SRRM4: variants seen among roughly 807,000 people sequenced by gnomAD.
SRRM4 encodes the protein serine/arginine repetitive matrix protein 4.
Under a neutral mutation model 68.9 loss-of-function variants are expected in SRRM4, and 33 were observed. That is an observed-to-expected ratio of 0.48 (90% CI 0.36 to 0.64). The LOEUF is 0.64. Ranked by LOEUF, SRRM4 falls within the 30% of genes least tolerant of loss-of-function variation. The pLI, the probability that SRRM4 is intolerant of heterozygous loss-of-function variation, is 0.00. For missense variants in SRRM4, 817 were observed against 827.1 expected (o/e 0.99, Z 0.15); for synonymous variants, 318 against 318.8 (o/e 1.00, Z 0.03).
chr12:119,013,144 CAT>C (rs1382428548), intron 1 of SRRM4, among the ~76,000 whole-genome samples: 1 of 152,166 alleles, frequency 6.6e-6, no homozygotes, highest in African/African-American at 2.4e-5. Flanking sequence ...AATGTTTGCA[CAT>C]GAGTAACAAA....
intron 1 of SRRM4, among the ~76,000 whole-genome samples, chr12:118,986,968 A>G (rs1239724252): frequency 6.6e-6 from 1 of 152,128 alleles, no homozygotes; most frequent in Non-Finnish European, 1.5e-5. Context: ...GTGAAGTGGA[A>G]GAATTCACAG....
chr12:119,134,229 A>C (rs535756434), intron 8 of SRRM4, among the ~76,000 whole-genome samples: 1 of 152,120 alleles, frequency 6.6e-6, no homozygotes, highest in African/African-American at 2.4e-5. Context: ...TCTTAATGGA[A>C]ATCTTAGTTG....
intron 1 of SRRM4, among the ~76,000 whole-genome samples, chr12:119,096,619 C>G (rs1006614958): frequency 6.6e-6 from 1 of 152,222 alleles, no homozygotes; most frequent in Non-Finnish European, 1.5e-5. Context: ...TGATATGAGT[C>G]ACTATTTGCC....
intron 8 of SRRM4, among the ~76,000 whole-genome samples, chr12:119,140,670 GA>G (rs1471560354): frequency 6.6e-6 from 1 of 152,126 alleles, no homozygotes; most frequent in East Asian, 1.9e-4. Flanking sequence ...AGTGGAATAA[GA>G]AGTAAGAAGA....
intron 6 of SRRM4, among the ~76,000 whole-genome samples, chr12:119,123,726 G>A (rs1369932522): frequency 1.3e-5 from 2 of 152,176 alleles, no homozygotes; most frequent in African/African-American, 2.4e-5. Flanking sequence ...CTACGGTCAG[G>A]GCTGCTTCTA....
At chr12:119,055,194 C>A (rs1375532995) in intron 1 of SRRM4, among the ~76,000 whole-genome samples, 2 of 152,084 alleles carry the variant, frequency 1.3e-5, no homozygotes, top group African/African-American at 2.4e-5. Context: ...GATTTATGGG[C>A]TACACAGGAG....
intron 7 of SRRM4, 44 bp downstream of exon 7, chr12:119,125,523 G>C: frequency 6.4e-7 from 1 of 1,560,802 alleles, no homozygotes; most frequent in African/African-American, 1.3e-5. Flanking sequence ...CCACAGCCGA[G>C]CCCAGGCTAA....
chr12:119,005,362 T>G (rs1953409786), intron 1 of SRRM4, among the ~76,000 whole-genome samples: 1 of 152,208 alleles, frequency 6.6e-6, no homozygotes, highest in Admixed American at 6.5e-5. Flanking sequence ...TTCTCGAACT[T>G]GGAGGCTCAT....
intron 1 of SRRM4, among the ~76,000 whole-genome samples, chr12:119,039,881 C>T (rs1389483369): frequency 2.0e-5 from 3 of 151,828 alleles, no homozygotes; most frequent in Non-Finnish European, 4.4e-5. Flanking sequence ...TCTCAGCCAC[C>T]CATATACCAG....
intron 1 of SRRM4, chr12:119,069,561 A>C (rs984154851): frequency 5.9e-5 from 9 of 152,220 alleles, no homozygotes; most frequent in African/African-American, 2.2e-4. Flanking sequence ...AAAGGAGAAA[A>C]TGGGTGGCTG....
At chr12:119,142,013 A>G (rs954323312) in intron 8 of SRRM4, among the ~76,000 whole-genome samples, 4 of 152,212 alleles carry the variant, frequency 2.6e-5, no homozygotes, top group Admixed American at 6.5e-5. Flanking sequence ...TATTCTAGGC[A>G]GAGGAAATGG....
chr12:119,013,567 T>C lies in SRRM4; in HGVS notation c.131+31554T>C, dbSNP rs181839661. 1.4e-4 allele frequency among the ~76,000 whole-genome samples: 21 copies of C among 152,358 alleles called. No individual in the cohort carries two copies. The East Asian group carries it at 3.3e-3, about 24-fold the overall frequency. ...GCTTTCTAATGTATTCTTCCAGAAA[T>C]ATTTTATATGAAAATACAATGTATT... On this transcript the variant is annotated intron_variant, in intron 1 of 12. Coordinates refer to ENST00000267260, the MANE Select transcript of SRRM4 (RefSeq NM_194286.4).
chr12:119,155,491 G>T (rs1298514119), intron 12 of SRRM4, among the ~76,000 whole-genome samples: 1 of 152,350 alleles, frequency 6.6e-6, no homozygotes, highest in East Asian at 1.9e-4. Context: ...CTAAACCCTT[G>T]GGAGGCCAAG....
chr12:119,000,011 C>T (rs565415327), intron 1 of SRRM4, among the ~76,000 whole-genome samples: 1 of 152,342 alleles, frequency 6.6e-6, no homozygotes, highest in Admixed American at 6.5e-5. Flanking sequence ...CTGCTCTACA[C>T]TGTACTTTGT....
intron 1 of SRRM4, among the ~76,000 whole-genome samples, chr12:119,090,784 G>T (rs558825688): frequency 1.3e-5 from 2 of 152,234 alleles, no homozygotes; most frequent in African/African-American, 2.4e-5. Context: ...GCTCCCCAAA[G>T]GCTGGCCCAG....
intron 1 of SRRM4, among the ~76,000 whole-genome samples, chr12:119,014,468 C>T (rs1485909767): frequency 6.6e-6 from 1 of 152,092 alleles, no homozygotes. Flanking sequence ...ATGCTCTAAT[C>T]TCTCCTCCTG....
Position 119,001,558 on chromosome 12 carries a change from C to G in SRRM4, c.131+19545C>G, listed in dbSNP as rs571079642. On this transcript the variant is annotated intron_variant, in intron 1 of 12. Transcript: ENST00000267260. ...ACAGTTACTATTTATTGAACAATTA[C>G]TATGGACCACGCACTATGTTAAATT... 4 of 152,312 alleles carry G rather than the reference C, an allele frequency of 2.6e-5. No individual in the cohort carries two copies. The South Asian group carries it at 8.3e-4, about 32-fold the overall frequency. The allele number at this position is 152,312 out of a possible 1,614,324, so 9.4% of individuals were successfully genotyped here. A position where few individuals can be genotyped will look rare whatever the true frequency, so the allele number is the denominator to read the frequency against.
At position 119,159,423 on chromosome 12, in the gene SRRM4, A is replaced by T. The variant is rs1441688807; in HGVS notation, c.*2625A>T. ...TGAATGTCCCTTAGGGAGGCACCAG[A>T]TTGGAGACAGATGTGCTATCTCCTA... On this transcript the variant is annotated 3_prime_UTR_variant, in exon 13 of 13. Transcript: ENST00000267260. The T allele has an allele frequency of 6.6e-6, 1 of 152,246 alleles. No individual in the cohort carries two copies. Among genetic ancestry groups the T allele is most frequent in the Non-Finnish European group, 1.5e-5 (1 of 68,060 alleles). 9.4% of individuals were successfully genotyped at this position (152,246 alleles called of 1,614,324 possible). A position where few individuals can be genotyped will look rare whatever the true frequency, so the allele number is the denominator to read the frequency against.
chr12:119,051,563 G>A (rs2096565667), intron 1 of SRRM4, among the ~76,000 whole-genome samples: 1 of 152,006 alleles, frequency 6.6e-6, no homozygotes, highest in South Asian at 2.1e-4. Context: ...TTACTCCATG[G>A]GGCTGTATTT....
Sources: allele counts gnomAD v4.1 joint callset (sites outside exome capture counted in the v4.1 genomes callset), GRCh38; gene constraint gnomAD v4.1.1; transcripts MANE v1.5; gene names NCBI Gene and HGNC (gene_info 2026-07-23, HGNC 2026-07-21).